LAMA3: variants seen among roughly 807,000 people sequenced by gnomAD.
LAMA3 encodes laminin subunit alpha 3.
In LAMA3, 281 loss-of-function variants were observed where a neutral mutation model predicts 402.0. The observed-to-expected ratio is 0.70, with a 90% CI of 0.63 to 0.77. The LOEUF (loss-of-function observed/expected upper bound fraction) is 0.77. LAMA3 is among the 30% of genes least tolerant of loss of function. The probability of loss-of-function intolerance (pLI) is 0.00; values close to 1 mark genes in which losing one functional copy is unlikely to be tolerated. For missense variants in LAMA3, 3,840 were observed against 4,215.5 expected (o/e 0.91, Z 2.47); for synonymous variants, 1,431 against 1,558.4 (o/e 0.92, Z 1.93).
intron 12 of LAMA3, among the ~76,000 whole-genome samples, chr18:23,799,712 C>A (rs1598817304): frequency 6.6e-6 from 1 of 151,918 alleles, no homozygotes; most frequent in Non-Finnish European, 1.5e-5. Flanking sequence ...AGAAACAGAA[C>A]CAATCGGAGG....
chr18:23,871,596 G>GGGC lies in LAMA3; in HGVS notation c.4935_4937dup (p.Arg1646dup), dbSNP rs2064522540. The stretch of plus-strand genomic sequence containing the variant: ...AGAGGAAGCCTCTGACACAGGAAGT[G>GGGC]GGCGCATAGCACTTGCTGTGGAAAT... On this transcript the variant is annotated inframe_insertion, in exon 38 of 75. Coordinates refer to ENST00000313654, the MANE Select transcript of LAMA3 (RefSeq NM_198129.4). 6.2e-7 allele frequency: 1 copy of GGGC among 1,613,968 alleles called. No individual in the cohort carries two copies. Among genetic ancestry groups the GGGC allele is most frequent in the South Asian group, 1.1e-5 (1 of 91,048 alleles).
chr18:23,860,096 G>C (rs1568266331), intron 34 of LAMA3, among the ~76,000 whole-genome samples: 2 of 152,180 alleles, frequency 1.3e-5, no homozygotes, highest in South Asian at 4.1e-4. Context: ...GGTTTTAGGA[G>C]CTCTGTGCCA....
chr18:23,740,278 T>C (rs1367577684), intron 2 of LAMA3, among the ~76,000 whole-genome samples: 1 of 152,214 alleles, frequency 6.6e-6, no homozygotes, highest in African/African-American at 2.4e-5. Context: ...TAGGGAGTAA[T>C]GATTAAAGAC....
chr18:23,743,490 C>A (rs768178495), intron 2 of LAMA3, among the ~76,000 whole-genome samples: 1 of 152,170 alleles, frequency 6.6e-6, no homozygotes, highest in East Asian at 1.9e-4. Flanking sequence ...ACACCTATTA[C>A]ATGCAGTCAG....
intron 61 of LAMA3, 72 bp from the exon 62 acceptor site, chr18:23,921,380 T>A: frequency 1.3e-6 from 2 of 1,501,782 alleles, no homozygotes; most frequent in Non-Finnish European, 1.8e-6. Context: ...AAAAACATGA[T>A]AGTTCTGAAC....
rs187094451 is a variant in LAMA3, at chr18:23,854,015, T to G, written c.4137-3829T>G. ...TCAAGAATATAGATATTGTTTTGGT[T>G]CACCCTGGCCTAGCAGGCCCAGCGG... On this transcript the variant is annotated intron_variant, in intron 32 of 74. Coordinates refer to ENST00000313654, the MANE Select transcript of LAMA3 (RefSeq NM_198129.4). 1.6e-3 allele frequency among the ~76,000 whole-genome samples: 238 copies of G among 152,344 alleles called. 2 individuals are homozygous for G. The highest frequency in any genetic ancestry group is 6.8e-3 in the Middle Eastern group (2 of 294).
In LAMA3 at chr18:23,950,502, C is replaced by T. The variant is rs1056782397; in HGVS notation, c.9642+343C>T. ...AGGCTTTTGTCAAGATTATAGAAAT[C>T]GCCATATACTCAATTCTTACAGATT... On this transcript the variant is annotated intron_variant, in intron 72 of 74. Coordinates refer to ENST00000313654, the MANE Select transcript of LAMA3 (RefSeq NM_198129.4). 5.3e-5 allele frequency among the ~76,000 whole-genome samples: 8 copies of T among 152,236 alleles called. No homozygotes were observed. The East Asian group carries it at 1.2e-3, about 22-fold the overall frequency.
Position 23,757,591 on chromosome 18 carries a change from G to T in LAMA3, c.948-805G>T, listed in dbSNP as rs544323033. 4.6e-5 allele frequency among the ~76,000 whole-genome samples: 7 copies of T among 152,190 alleles called. No individual in the cohort carries two copies. In the South Asian group the frequency reaches 1.5e-3, roughly 32 times the overall value. On this transcript the variant is annotated intron_variant, in intron 6 of 74. Transcript: ENST00000313654. ...TCATCCATCGAATCTTCTGTGGAGT[G>T]GTGGCGCGATCTTAGGTGAGAGAGA...
At chr18:23,864,095 A>C (rs1317920034) in intron 35 of LAMA3, among the ~76,000 whole-genome samples, 3 of 152,216 alleles carry the variant, frequency 2.0e-5, no homozygotes, top group African/African-American at 7.2e-5. Flanking sequence ...CTCTCAGTTA[A>C]AAAAGAAACC....
rs2063151686 is a variant in LAMA3, at chr18:23,815,184, A to G, written c.1889-4A>G. ...AGTTCAAGGATGCTCTCTTATCTCCACAGAATGCAAGTGCCATAAGGCGGG... is the reference window on the plus strand; with the variant it reads ...AGTTCAAGGATGCTCTCTTATCTCCGCAGAATGCAAGTGCCATAAGGCGGG... On this transcript the variant is annotated splice_region_variant and splice_polypyrimidine_tract_variant and intron_variant, in intron 15 of 74. Coordinates refer to ENST00000313654, the MANE Select transcript of LAMA3 (RefSeq NM_198129.4). The G allele has an allele frequency of 6.2e-7, 1 of 1,613,956 alleles. No homozygotes were observed. The highest frequency in any genetic ancestry group is 1.7e-5 in the Admixed American group (1 of 60,020).
chr18:23,806,005 C>T (rs1418113646), intron 12 of LAMA3, among the ~76,000 whole-genome samples: 1 of 152,218 alleles, frequency 6.6e-6, no homozygotes, highest in Non-Finnish European at 1.5e-5. Flanking sequence ...ACCTACAACT[C>T]TTCCACTTCT....
intron 1 of LAMA3, among the ~76,000 whole-genome samples, chr18:23,691,329 G>A (rs1457346350): frequency 2.0e-5 from 3 of 151,756 alleles, no homozygotes; most frequent in Non-Finnish European, 4.4e-5. Context: ...AAATCTAAAA[G>A]ACAAAATAAC....
intron 8 of LAMA3, among the ~76,000 whole-genome samples, chr18:23,766,039 A>G (rs971451538): frequency 1.3e-5 from 2 of 152,126 alleles, no homozygotes; most frequent in African/African-American, 4.8e-5. Context: ...ATGAATCAGA[A>G]AAAAAAGTGA....
At chr18:23,796,737 A>G (rs1236561332) in intron 12 of LAMA3, among the ~76,000 whole-genome samples, 1 of 151,922 alleles carries the variant, frequency 6.6e-6, no homozygotes, top group African/African-American at 2.4e-5. Flanking sequence ...ATGGGATCTC[A>G]TTATATTGCC....
chr18:23,868,000 A>G, intron 37 of LAMA3, 83 bp downstream of exon 37: 1 of 1,074,812 alleles, frequency 9.3e-7, no homozygotes, highest in Non-Finnish European at 1.4e-6. Flanking sequence ...ACTCATTTTA[A>G]GAATTGTAAA....
Position 23,914,535 on chromosome 18 carries a change from A to G in LAMA3, c.7455A>G (p.Ala2485=). The change falls in exon 57 of 75, where the codon GCA becomes GCG. Residue 2485 remains alanine (A), a synonymous_variant. Transcript: ENST00000313654. The part of the protein sequence containing the change: ...QILTKSETKE[A]VMDRVKFQRI... ...TGACCAAGAGTGAGACTAAGGAGGC[A>G]GTTATGGATCGGGTGAAATTTCAGA... 1 of 1,614,212 alleles carries G rather than the reference A, an allele frequency of 6.2e-7. No homozygotes were observed. The highest frequency in any genetic ancestry group is 1.1e-5 in the South Asian group (1 of 91,082).
At chr18:23,875,368 A>G (rs2064673673) in intron 38 of LAMA3, among the ~76,000 whole-genome samples, 1 of 152,186 alleles carries the variant, frequency 6.6e-6, no homozygotes, top group Admixed American at 6.5e-5. Flanking sequence ...TTTCATCCAG[A>G]TGAAAATGCA....
At chr18:23,902,821 A>G (rs1394358957) in intron 48 of LAMA3, among the ~76,000 whole-genome samples, 188 bp from the exon 49 acceptor site, 1 of 152,188 alleles carries the variant, frequency 6.6e-6, no homozygotes, top group Non-Finnish European at 1.5e-5. Context: ...ATTTAAGGAA[A>G]CTATGGTGAC....
At chr18:23,796,791 C>G (rs1168513368) in intron 12 of LAMA3, among the ~76,000 whole-genome samples, 7 of 152,160 alleles carry the variant, frequency 4.6e-5, no homozygotes, top group Non-Finnish European at 1.0e-4. Flanking sequence ...TCCCCCACCT[C>G]TGCTCCCAAA....
Sources: gnomAD v4.1 joint callset for allele counts (sites outside exome capture counted in the v4.1 genomes callset) on GRCh38, gnomAD v4.1.1 for gene constraint, MANE v1.5 for transcripts, NCBI Gene and HGNC (gene_info 2026-07-23, HGNC 2026-07-21) for gene names.